The following PHRF1 variants were observed in gnomAD, a reference collection of about 807,000 sequenced individuals.
The protein encoded by PHRF1 is PHD and ring finger domains 1, also known as PHD and RING finger domain-containing protein 1.
A neutral mutation model predicts 128.9 loss-of-function variants in PHRF1; 53 were observed. The ratio of observed to expected loss-of-function variants is 0.41; its 90% CI spans 0.33 to 0.52. The LOEUF (loss-of-function observed/expected upper bound fraction) is 0.52. PHRF1 is among the 20% of genes least tolerant of loss of function. The pLI, the probability that PHRF1 is intolerant of heterozygous loss-of-function variation, is 0.21. For synonymous variants in PHRF1, 1,178 were observed against 980.6 expected, an observed-to-expected ratio of 1.20 and a Z score of -3.76; for missense variants, 2,503 against 2,284.5, an observed-to-expected ratio of 1.10 and a Z score of -1.95.
Position 607,538 on chromosome 11 carries a change from G to A in PHRF1, c.2082G>A (p.Arg694=), listed in dbSNP as rs1168662172. 6.2e-7 allele frequency: 1 copy of A among 1,612,672 alleles called. No individual in the cohort carries two copies. The highest frequency in any genetic ancestry group is 1.1e-5 in the South Asian group (1 of 91,086). The part of the protein sequence containing the change: ...KIRRDDGGGR[R]DAAPAHGQSI... Reference sequence around the variant, plus strand: ...GGAGAGATGACGGTGGTGGCAGACGGGATGCGGCCCCGGCCCACGGGCAGA... The same window carrying A: ...GGAGAGATGACGGTGGTGGCAGACGAGATGCGGCCCCGGCCCACGGGCAGA... The change falls in exon 14 of 18, where the codon CGG becomes CGA. Residue 694 remains arginine (R), a synonymous_variant. Transcript: ENST00000264555.
At chr11:598,618 A>ATC (rs1855443651) in intron 9 of PHRF1, 116 bp downstream of exon 9, 1 of 1,414,424 alleles carries the variant, frequency 7.1e-7, no homozygotes, top group African/African-American at 1.4e-5. Flanking sequence ...CTGCAAGTTA[A>ATC]TCTTCTCTGC....
intron 17 of PHRF1, among the ~76,000 whole-genome samples, chr11:611,419 G>A (rs562316600): frequency 4.6e-5 from 7 of 152,278 alleles, no homozygotes; most frequent in Admixed American, 2.0e-4. Flanking sequence ...CCCGCCCACC[G>A]ACACCGTGGG....
intron 6 of PHRF1, among the ~76,000 whole-genome samples, chr11:595,381 T>G (rs1468113678): frequency 6.6e-6 from 1 of 152,250 alleles, no homozygotes; most frequent in African/African-American, 2.4e-5. Flanking sequence ...ATTTTTTTCT[T>G]TTTTAAGTTA....
chr11:594,121 A>G (rs550205611), intron 6 of PHRF1, among the ~76,000 whole-genome samples: 4 of 152,226 alleles, frequency 2.6e-5, no homozygotes, highest in Admixed American at 1.3e-4. Context: ...AGAAAAAAAA[A>G]GGTGGAGGGG....
intron 6 of PHRF1, among the ~76,000 whole-genome samples, chr11:595,223 T>C (rs1290575881): frequency 1.3e-5 from 2 of 152,136 alleles, no homozygotes; most frequent in African/African-American, 4.8e-5. Flanking sequence ...CTTGGGAGGC[T>C]GAGGCACGCG....
At chr11:588,308 C>G (rs1331517151) in intron 4 of PHRF1, among the ~76,000 whole-genome samples, 3 of 152,172 alleles carry the variant, frequency 2.0e-5, no homozygotes, top group African/African-American at 4.8e-5. Context: ...AAGTCTGGCT[C>G]TGGTACTTCC....
chr11:600,748 C>T (rs1216396729), intron 9 of PHRF1, among the ~76,000 whole-genome samples: 3 of 151,940 alleles, frequency 2.0e-5, no homozygotes, highest in Non-Finnish European at 2.9e-5. Flanking sequence ...GGGCGGATCA[C>T]GAGGTCAGGA....
chr11:586,124 G>T (rs1159604852), intron 3 of PHRF1, among the ~76,000 whole-genome samples: 1 of 152,152 alleles, frequency 6.6e-6, no homozygotes, highest in African/African-American at 2.4e-5. Flanking sequence ...GCCTCCCAAA[G>T]TACTAGGATT....
chr11:580,190 C>T (rs1317100222), intron 1 of PHRF1, among the ~76,000 whole-genome samples: 1 of 152,242 alleles, frequency 6.6e-6, no homozygotes, highest in Non-Finnish European at 1.5e-5. Context: ...TAGGACAGGC[C>T]TTTCCTCCGA....
At chr11:583,504 G>A (rs1238314425) in intron 3 of PHRF1, among the ~76,000 whole-genome samples, 2 of 152,196 alleles carry the variant, frequency 1.3e-5, no homozygotes, top group African/African-American at 2.4e-5. Flanking sequence ...GCCACAGAGC[G>A]AGACTCTGTC....
chr11:609,125 G>A lies in PHRF1; in HGVS notation c.3669G>A (p.Leu1223=). ...ACCTCCCCACCAGGTTGCCAGCCTT[G>A]GGGGAAGCACATGTCTCGCCGGAGG... The part of the protein sequence containing the change: ...REDLPTRLPA[L]GEAHVSPEVA... The change falls in exon 14 of 18, where the codon TTG becomes TTA. Residue 1223 remains leucine, a synonymous_variant. Coordinates refer to ENST00000264555, the MANE Select transcript of PHRF1 (RefSeq NM_001286581.2). The A allele has an allele frequency of 6.2e-7, 1 of 1,606,260 alleles. No individual in the cohort carries two copies. Among genetic ancestry groups the A allele is most frequent in the Non-Finnish European group, 8.5e-7 (1 of 1,178,302 alleles).
rs530952691 is a variant in PHRF1, at chr11:601,471, G to A, written c.1025-103G>A. 1.2e-5 allele frequency: 17 copies of A among 1,466,724 alleles called. No individual in the cohort carries two copies. In the South Asian group the frequency reaches 1.5e-4, roughly 13 times the overall value. 90.9% of individuals were successfully genotyped at this position (1,466,724 alleles called of 1,614,324 possible). On this transcript the variant is annotated intron_variant, in intron 9 of 17. Coordinates refer to ENST00000264555, the MANE Select transcript of PHRF1 (RefSeq NM_001286581.2). ...ATTGCAAGCCGGTGCGTGTGGTCCC[G>A]CTGTACCGGCTCCTTGGGCTCCGTC...
chr11:592,635 G>T lies in PHRF1; in HGVS notation c.581G>T (p.Arg194Leu). Residue 194 changes from arginine (R) to leucine (L), a missense_variant, in exon 6 of 18, where the codon CGT (arginine) becomes CTT (leucine). Coordinates refer to ENST00000264555, the MANE Select transcript of PHRF1 (RefSeq NM_001286581.2). ...TGTGAGGTGTGCGGCAGGAGCGACC[G>T]TGAGGACAGGCTTTTGCTCTGCGAC... is the stretch of plus-strand genomic sequence containing the variant. ...TFCEVCGRSD[R>L]EDRLLLCDGC... is the part of the protein sequence containing the mutation. 6.2e-7 allele frequency: 1 copy of T among 1,614,076 alleles called. No homozygotes were observed. Among genetic ancestry groups the T allele is most frequent in the Non-Finnish European group, 8.5e-7 (1 of 1,179,900 alleles).
At chr11:604,971 A>G (rs1430448620) in intron 10 of PHRF1, 148 bp from the exon 11 acceptor site, 2 of 772,594 alleles carry the variant, frequency 2.6e-6, no homozygotes, top group African/African-American at 3.5e-5. Flanking sequence ...GTCGGTCATC[A>G]TGCCTGAGAA....
chr11:591,982 C>G (rs956253666), intron 5 of PHRF1, among the ~76,000 whole-genome samples: 2 of 147,984 alleles, frequency 1.4e-5, no homozygotes, highest in African/African-American at 5.0e-5. Context: ...GTGGCACAAT[C>G]TCGGCTCACT....
At chr11:592,699 A>G (rs1376953395) in intron 6 of PHRF1, 25 bp downstream of exon 6, 1 of 1,610,038 alleles carries the variant, frequency 6.2e-7, no homozygotes, top group Admixed American at 1.7e-5. Flanking sequence ...GGACTGGCAC[A>G]CGTGCCCTGC....
chr11:601,622 C>T lies in PHRF1; in HGVS notation c.1073C>T (p.Ser358Phe). 6.2e-7 allele frequency: 1 copy of T among 1,613,718 alleles called. No homozygotes were observed. Among genetic ancestry groups the T allele is most frequent in the Non-Finnish European group, 8.5e-7 (1 of 1,179,864 alleles). ...PGRKKTPSGPSAKSKSSATRS... is the reference protein window; with the variant it reads ...PGRKKTPSGPFAKSKSSATRS... ...AGAAAGAAAACCCCGTCCGGACCAT[C>T]CGCAAAAAGTAAGAGCTCAGCGACA... Residue 358 changes from serine to phenylalanine, a missense_variant, in exon 10 of 18, where the codon TCC becomes TTC. By Grantham distance (155) the Ser-to-Phe change is radical (BLOSUM62 -2). Transcript: ENST00000264555.
In PHRF1 at chr11:612,150, G is replaced by A. The variant is rs959024277; in HGVS notation, c.*373G>A. ...GTGGCGCGTCCTTGATAAATCTCTAGGTGGCCTCCCGCCAACAGCTGCTGT... is the reference window on the plus strand; with the variant it reads ...GTGGCGCGTCCTTGATAAATCTCTAAGTGGCCTCCCGCCAACAGCTGCTGT... On this transcript the variant is annotated 3_prime_UTR_variant, in exon 18 of 18. Transcript: ENST00000264555. 2.8e-5 allele frequency: 9 copies of A among 326,106 alleles called. No homozygotes were observed. Among genetic ancestry groups the A allele is most frequent in the Non-Finnish European group, 4.5e-5 (8 of 176,058 alleles). The allele number at this position is 326,106 out of a possible 1,614,324, so 20.2% of individuals were successfully genotyped here.
chr11:577,765 C>T, intron 1 of PHRF1, among the ~76,000 whole-genome samples: 1 of 152,260 alleles, frequency 6.6e-6, no homozygotes, highest in East Asian at 1.9e-4. Flanking sequence ...GATGGGCACT[C>T]AGGTGCCGAG....
Sources: allele counts gnomAD v4.1 joint callset (sites outside exome capture counted in the v4.1 genomes callset), GRCh38; gene constraint gnomAD v4.1.1; transcripts MANE v1.5; gene names NCBI Gene and HGNC (gene_info 2026-07-23, HGNC 2026-07-21).